TMEM117: variants seen among roughly 807,000 people sequenced by gnomAD.
TMEM117 encodes the protein transmembrane protein 117.
TMEM117 carries 27 observed loss-of-function variants against 52.4 expected under a neutral mutation model. The observed-to-expected ratio is 0.51, with a 90% CI of 0.38 to 0.71. The LOEUF is 0.71. Among genes scored for constraint, TMEM117 ranks in the 30% least tolerant of loss-of-function variants. The probability of loss-of-function intolerance (pLI) is 0.00; values close to 1 mark genes in which losing one functional copy is unlikely to be tolerated. For missense variants in TMEM117, 556 were observed against 630.5 expected (o/e 0.88, Z 1.26); for synonymous variants, 215 against 206.3 (o/e 1.04, Z -0.36).
At chr12:44,209,587 T>C (rs1344206496) in intron 4 of TMEM117, among the ~76,000 whole-genome samples, 5 of 152,162 alleles carry the variant, frequency 3.3e-5, no homozygotes, top group Non-Finnish European at 7.4e-5. Flanking sequence ...CATGCATGAT[T>C]GTTGAATCTT....
chr12:43,865,417 C>T (rs1349112350), intron 2 of TMEM117, among the ~76,000 whole-genome samples: 1 of 152,148 alleles, frequency 6.6e-6, no homozygotes, highest in Non-Finnish European at 1.5e-5. Context: ...GTAGATTTGG[C>T]CAGGTATACT....
intron 4 of TMEM117, among the ~76,000 whole-genome samples, chr12:44,149,474 T>C (rs539202079): frequency 6.6e-5 from 10 of 152,224 alleles, no homozygotes; most frequent in Non-Finnish European, 1.0e-4. Flanking sequence ...ATAGATAATA[T>C]GAAATAAAAT....
At chr12:43,922,445 A>T (rs1424699759) in intron 2 of TMEM117, among the ~76,000 whole-genome samples, 5 of 152,182 alleles carry the variant, frequency 3.3e-5, no homozygotes, top group African/African-American at 1.2e-4. Flanking sequence ...GTTTAATTAT[A>T]TGGAATAATG....
chr12:44,203,966 C>G lies in TMEM117; in HGVS notation c.511-7324C>G, dbSNP rs570181143. Among the ~76,000 whole-genome samples the G allele has an allele frequency of 8.5e-4, 130 of 152,188 alleles. 1 individual carries two copies. Among genetic ancestry groups the G allele is most frequent in the African/African-American group, 2.7e-3 (113 of 41,522 alleles). On this transcript the variant is annotated intron_variant, in intron 4 of 7. Transcript: ENST00000266534. Reference sequence around the variant, plus strand: ...TGGCAAACCCACAGCTAACTTCATGCTTAAGGGGCAAAATATGGATGCATT... The same window carrying G: ...TGGCAAACCCACAGCTAACTTCATGGTTAAGGGGCAAAATATGGATGCATT...
At chr12:43,866,441 G>A (rs1251565467) in intron 2 of TMEM117, among the ~76,000 whole-genome samples, 1 of 151,290 alleles carries the variant, frequency 6.6e-6, no homozygotes, top group Non-Finnish European at 1.5e-5. Context: ...TATGTGAAGC[G>A]GTGCACACCT....
intron 2 of TMEM117, among the ~76,000 whole-genome samples, chr12:43,930,654 G>A (rs1272771541): frequency 1.3e-5 from 2 of 152,122 alleles, no homozygotes; most frequent in African/African-American, 4.8e-5. Flanking sequence ...TAGGTACACA[G>A]CTATAGATTG....
intron 5 of TMEM117, among the ~76,000 whole-genome samples, chr12:44,276,706 T>C (rs1950515642): frequency 6.6e-6 from 1 of 152,204 alleles, no homozygotes; most frequent in African/African-American, 2.4e-5. Flanking sequence ...CCATTCTGCA[T>C]TGTATTGTAT....
chr12:44,188,046 G>A (rs1286381291), intron 4 of TMEM117, among the ~76,000 whole-genome samples: 2 of 151,944 alleles, frequency 1.3e-5, no homozygotes, highest in African/African-American at 4.8e-5. Flanking sequence ...TTTGAAAGGG[G>A]GATATAAAAT....
intron 4 of TMEM117, among the ~76,000 whole-genome samples, chr12:44,193,493 T>C (rs936559442): frequency 6.6e-6 from 1 of 152,190 alleles, no homozygotes; most frequent in South Asian, 2.1e-4. Flanking sequence ...GCACTTGTTT[T>C]TTCACTCATG....
the TMEM117 span, among the ~76,000 whole-genome samples, chr12:43,826,424 T>C: frequency 9.1e-3 from 1,379 of 152,338 alleles, 28 homozygotes; most frequent in African/African-American, 0.031. Flanking sequence ...AATTGCCAGC[T>C]GGGACTGCTG....
intron 2 of TMEM117, among the ~76,000 whole-genome samples, chr12:43,928,922 A>C (rs915267239): frequency 4.0e-5 from 6 of 151,680 alleles, no homozygotes; most frequent in African/African-American, 1.5e-4. Flanking sequence ...AAGGACATGA[A>C]CTCATCATTT....
chr12:43,892,096 C>A (rs1944116649), intron 2 of TMEM117, among the ~76,000 whole-genome samples: 1 of 152,094 alleles, frequency 6.6e-6, no homozygotes, highest in African/African-American at 2.4e-5. Context: ...TTTAATGACT[C>A]ATGAGGAGAA....
chr12:43,953,144 C>A (rs538172186), intron 3 of TMEM117, among the ~76,000 whole-genome samples: 13 of 151,946 alleles, frequency 8.6e-5, no homozygotes, highest in Admixed American at 1.3e-4. Context: ...GTGCTTCCTT[C>A]AGGAAGCACT....
intron 2 of TMEM117, among the ~76,000 whole-genome samples, chr12:43,863,491 C>T (rs1305992449): frequency 6.6e-6 from 1 of 151,964 alleles, no homozygotes; most frequent in Non-Finnish European, 1.5e-5. Flanking sequence ...GCATCTCTGA[C>T]TCTAGAAGAA....
At chr12:44,022,359 A>AC (rs1418484287) in intron 3 of TMEM117, among the ~76,000 whole-genome samples, 1 of 152,116 alleles carries the variant, frequency 6.6e-6, no homozygotes, top group Non-Finnish European at 1.5e-5. Context: ...AAGAGAGTGA[A>AC]CTCTCCTTTG....
At chr12:44,149,764 C>T (rs1323772968) in intron 4 of TMEM117, among the ~76,000 whole-genome samples, 2 of 152,182 alleles carry the variant, frequency 1.3e-5, no homozygotes, top group Non-Finnish European at 2.9e-5. Context: ...ATATTATAAT[C>T]AGTGCCAATT....
chr12:44,248,153 A>G (rs1950153792), intron 5 of TMEM117, among the ~76,000 whole-genome samples: 1 of 152,082 alleles, frequency 6.6e-6, no homozygotes, highest in East Asian at 1.9e-4. Context: ...GGTTCAGGGA[A>G]CAAACCCTGA....
intron 5 of TMEM117, among the ~76,000 whole-genome samples, chr12:44,289,675 C>G (rs1422256457): frequency 6.6e-6 from 1 of 151,522 alleles, no homozygotes; most frequent in African/African-American, 2.4e-5. Context: ...GCCTCAGCCT[C>G]CCGAGTAACT....
Position 44,208,816 on chromosome 12 carries a change from T to C in TMEM117, c.511-2474T>C, listed in dbSNP as rs117389220. Among the ~76,000 whole-genome samples, 3 of 145,366 alleles carry C rather than the reference T, an allele frequency of 2.1e-5. No individual in the cohort carries two copies. The East Asian group carries it at 6.3e-4, about 31-fold the overall frequency. Reference sequence around the variant, plus strand: ...ATGTCATTTTTACACAACATGCAGCTGTAGTAATTGGTCATACAGCAGCAG... The same window carrying C: ...ATGTCATTTTTACACAACATGCAGCCGTAGTAATTGGTCATACAGCAGCAG... On this transcript the variant is annotated intron_variant, in intron 4 of 7. Transcript: ENST00000266534.
Sources: gnomAD v4.1 joint callset for allele counts (sites outside exome capture counted in the v4.1 genomes callset) on GRCh38, gnomAD v4.1.1 for gene constraint, MANE v1.5 for transcripts, NCBI Gene and HGNC (gene_info 2026-07-23, HGNC 2026-07-21) for gene names.